SYCP3: variants seen among roughly 807,000 people sequenced by gnomAD.
SYCP3 encodes synaptonemal complex protein 3.
A neutral mutation model predicts 38.5 loss-of-function variants in SYCP3; 29 were observed. The ratio of observed to expected loss-of-function variants is 0.75; its 90% CI spans 0.56 to 1.03. The LOEUF (loss-of-function observed/expected upper bound fraction) is 1.03. Ranked by LOEUF, SYCP3 falls within the 50% of genes least tolerant of loss-of-function variation. SYCP3 has a pLI of 0.00. For missense variants in SYCP3, 242 were observed against 270.7 expected (o/e 0.89, Z 0.74); for synonymous variants, 79 against 80.3 (o/e 0.98, Z 0.08).
rs745576034 is a variant in SYCP3 at position 101,735,064 on chromosome 12, T to G, written c.236-20A>C. The stretch of plus-strand genomic sequence containing the variant: ...TGTCAACTAGATTGAAAATAAAAAT[T>G]CATTAAAATTTAATGTTGAAAAAAG... On this transcript the variant is annotated intron_variant, in intron 4 of 8. Coordinates refer to ENST00000392924, the MANE Select transcript of SYCP3 (RefSeq NM_001177949.2). The G allele has an allele frequency of 8.0e-6, 12 of 1,508,772 alleles. No individual in the cohort carries two copies. The South Asian group carries it at 1.4e-4, about 17-fold the overall frequency. 93.5% of individuals were successfully genotyped at this position (1,508,772 alleles called of 1,614,324 possible). A position where few individuals can be genotyped will look rare whatever the true frequency, so the allele number is the denominator to read the frequency against.
chr12:101,737,101 A>C (rs931344416), intron 3 of SYCP3, 30 bp from the exon 4 acceptor site: 2 of 1,613,454 alleles, frequency 1.2e-6, no homozygotes, highest in Non-Finnish European at 1.7e-6. Context: ...TAAACACTTT[A>C]GAAGATCCAC....
At chr12:101,733,449 G>C (rs1952266870) in intron 6 of SYCP3, 126 bp downstream of exon 6, 1 of 820,310 alleles carries the variant, frequency 1.2e-6, no homozygotes, top group Non-Finnish European at 2.0e-6. Flanking sequence ...CAGTTCAGTA[G>C]GTTTAAAACA....
At position 101,737,809 on chromosome 12, in the gene SYCP3, T is replaced by C. The variant is rs1214071057; in HGVS notation, c.127A>G (p.Ile43Val). The C allele has an allele frequency of 2.5e-6, 4 of 1,614,084 alleles. No individual in the cohort carries two copies. The Admixed American group carries it at 6.7e-5, about 27-fold the overall frequency. ...AACATGAGATGTACTGCACCTTCAA[T>C]AACATCTTCCTCTGATCCACTCAGA... ...KDLSGSEEDV[I>V]EGKTAVIEKR... is the part of the protein sequence containing the mutation. The change falls in exon 2 of 9, where the codon ATT becomes GTT. Residue 43 changes from isoleucine to valine, a missense_variant. By Grantham distance (29) the Ile-to-Val change is conservative. Transcript: ENST00000392924.
intron 8 of SYCP3, 60 bp from the exon 9 acceptor site, chr12:101,729,040 T>C (rs1594157094): frequency 6.2e-7 from 1 of 1,609,354 alleles, no homozygotes; most frequent in African/African-American, 1.3e-5. Context: ...GTTATACCTA[T>C]TTCAGCAAAT....
At chr12:101,739,170 A>AC in intron 1 of SYCP3, 181 bp downstream of exon 1, 1 of 213,340 alleles carries the variant, frequency 4.7e-6, no homozygotes, top group Non-Finnish European at 7.5e-6. Flanking sequence ...GCCCAGCCCC[A>AC]GCCCAGCCCG....
intron 4 of SYCP3, among the ~76,000 whole-genome samples, chr12:101,735,429 G>A (rs910997445): frequency 2.6e-5 from 4 of 152,150 alleles, no homozygotes; most frequent in African/African-American, 9.7e-5. Flanking sequence ...TTGGGAGTCT[G>A]AGGCAGGCAG....
chr12:101,737,698 G>T, intron 2 of SYCP3, 105 bp downstream of exon 2: 1 of 1,510,718 alleles, frequency 6.6e-7, no homozygotes, highest in Non-Finnish European at 9.1e-7. Flanking sequence ...GGGGAGGGAA[G>T]ACCATACCTG....
In SYCP3 at chr12:101,729,318, T is replaced by C. The variant is rs182895249; in HGVS notation, c.553-105A>G. 3.8e-4 allele frequency: 422 copies of C among 1,106,328 alleles called. 1 individual carries two copies. Among genetic ancestry groups the C allele is most frequent in the Non-Finnish European group, 1.9e-4 (149 of 764,968 alleles). 68.5% of individuals were successfully genotyped at this position (1,106,328 alleles called of 1,614,324 possible). On this transcript the variant is annotated intron_variant, in intron 7 of 8. Coordinates refer to ENST00000392924, the MANE Select transcript of SYCP3 (RefSeq NM_001177949.2). The stretch of plus-strand genomic sequence containing the variant: ...AAGTAGTAATTTTTGAATATTCAAA[T>C]GCTCATCTATTTGAAATAAAAATAT...
chr12:101,735,153 T>A, intron 4 of SYCP3, 109 bp from the exon 5 acceptor site: 4 of 679,920 alleles, frequency 5.9e-6, no homozygotes, highest in Non-Finnish European at 1.0e-5. Flanking sequence ...TGGAAAGACA[T>A]TTAAACTTAA....
intron 6 of SYCP3, chr12:101,731,986 G>T: frequency 4.1e-6 from 1 of 244,462 alleles, no homozygotes; most frequent in South Asian, 5.2e-5. Flanking sequence ...CAATGATTTT[G>T]GCCTCTACCC....
Position 101,734,938 on chromosome 12 carries a change from T to C in SYCP3, c.342A>G (p.Gln114=). The change falls in exon 5 of 9, where the codon CAA becomes CAG. Residue 114 remains glutamine, a synonymous_variant. Coordinates refer to ENST00000392924, the MANE Select transcript of SYCP3 (RefSeq NM_001177949.2). ...AGCAACCACCTTACCTTTGATCTTG[T>C]TGTGTTTTCCAAACATGTTCAATTT... The part of the protein sequence containing the change: ...NQKIEHVWKT[Q]QDQRQKLNQE... The C allele has an allele frequency of 6.2e-7, 1 of 1,608,572 alleles. No individual in the cohort carries two copies. The highest frequency in any genetic ancestry group is 8.5e-7 in the Non-Finnish European group (1 of 1,175,010).
At chr12:101,734,407 CA>C (rs919365797) in intron 5 of SYCP3, among the ~76,000 whole-genome samples, 8 of 151,878 alleles carry the variant, frequency 5.3e-5, no homozygotes, top group Admixed American at 3.9e-4. Flanking sequence ...AAAACAACAA[CA>C]AAAAACGAAA....
At chr12:101,733,308 G>A (rs1204889555) in intron 6 of SYCP3, 24 of 410,548 alleles carry the variant, frequency 5.8e-5, no homozygotes, top group Middle Eastern at 7.4e-4. Flanking sequence ...AAACTGCCCC[G>A]ACTTCTTTTA....
At chr12:101,735,871 A>ATATATATATATATTTTTTTT in intron 4 of SYCP3, among the ~76,000 whole-genome samples, 21 of 74,750 alleles carry the variant, frequency 2.8e-4, no homozygotes, top group African/African-American at 1.3e-3. Context: ...ATATATATAT[A>ATATATATATATATTTTTTTT]TTTTTTTTTT....
At chr12:101,736,396 G>T (rs1355266010) in intron 4 of SYCP3, among the ~76,000 whole-genome samples, 6 of 151,912 alleles carry the variant, frequency 3.9e-5, no homozygotes, top group Non-Finnish European at 7.4e-5. Flanking sequence ...TTTCAAAAAA[G>T]AGTTGACTGT....
intron 7 of SYCP3, among the ~76,000 whole-genome samples, 152 bp downstream of exon 7, chr12:101,731,415 AT>A (rs1952185609): frequency 6.6e-6 from 1 of 152,152 alleles, no homozygotes; most frequent in Admixed American, 6.5e-5. Context: ...GTAAAAATAT[AT>A]TTATCACTTA....
At position 101,737,880 on chromosome 12, in the gene SYCP3, T is replaced by A; in HGVS notation, c.56A>T (p.Asp19Val). 6.2e-7 allele frequency: 1 copy of A among 1,614,198 alleles called. No individual in the cohort carries two copies. Among genetic ancestry groups the A allele is most frequent in the African/African-American group, 1.3e-5 (1 of 75,050 alleles). ...SRKSGKPSVE[D>V]QFTRAYDFET... ...AAAGTCATAGGCTCTCGTAAACTGA[T>A]CTTCCACAGACGGCTTCCCAGATTT... The change falls in exon 2 of 9, where the codon GAT becomes GTT. Residue 19 changes from aspartate to valine, a missense_variant. Transcript: ENST00000392924.
intron 4 of SYCP3, among the ~76,000 whole-genome samples, chr12:101,735,894 G>T (rs1952422125): frequency 1.4e-5 from 1 of 73,752 alleles, no homozygotes; most frequent in Non-Finnish European, 2.5e-5. Context: ...TAAAGACACG[G>T]GGGTCTCACT....
chr12:101,737,270 C>T lies in SYCP3; in HGVS notation c.162G>A (p.Arg54=), dbSNP rs749944123. 4.3e-6 allele frequency: 7 copies of T among 1,610,744 alleles called. No homozygotes were observed. In the South Asian group the frequency reaches 7.7e-5, roughly 18 times the overall value. Residue 54 remains arginine (R), a synonymous_variant, in exon 3 of 9, where the codon AGG becomes AGA. Transcript: ENST00000392924. The part of the protein sequence containing the change: ...EGKTAVIEKR[R]KKRSSAGVVE... ...CTACTCCTGCAGAAGACCTTTTCTTCCTACGTTTCTCAATGACTGCAGTCT... is the reference window on the plus strand; with the variant it reads ...CTACTCCTGCAGAAGACCTTTTCTTTCTACGTTTCTCAATGACTGCAGTCT...
Sources: allele counts gnomAD v4.1 joint callset (sites outside exome capture counted in the v4.1 genomes callset), GRCh38; gene constraint gnomAD v4.1.1; transcripts MANE v1.5; gene names NCBI Gene and HGNC (gene_info 2026-07-23, HGNC 2026-07-21).